SND1: variants seen among roughly 807,000 people sequenced by gnomAD.
The protein encoded by SND1 is staphylococcal nuclease domain-containing protein 1.
A neutral mutation model predicts 121.7 loss-of-function variants in SND1; 38 were observed. The observed-to-expected ratio is 0.31, with a 90% CI of 0.24 to 0.41. The LOEUF is 0.41. Among genes scored for constraint, SND1 ranks in the 10% least tolerant of loss-of-function variants. The probability of loss-of-function intolerance (pLI) is 1.00; values close to 1 mark genes in which losing one functional copy is unlikely to be tolerated. For missense variants in SND1, 868 were observed against 1,184.6 expected, an observed-to-expected ratio of 0.73 and a Z score of 3.92; for synonymous variants, 401 against 447.4, an observed-to-expected ratio of 0.90 and a Z score of 1.31.
chr7:127,967,348 G>A (rs1303521096), intron 15 of SND1, among the ~76,000 whole-genome samples: 1 of 152,194 alleles, frequency 6.6e-6, no homozygotes, highest in African/African-American at 2.4e-5. Flanking sequence ...GGCAGGGATG[G>A]GGGTGGTGGG....
At chr7:128,068,399 A>G (rs1793353932) in intron 16 of SND1, among the ~76,000 whole-genome samples, 1 of 151,790 alleles carries the variant, frequency 6.6e-6, no homozygotes, top group Non-Finnish European at 1.5e-5. Flanking sequence ...CTTTCTCCAG[A>G]CCCCTCAGCC....
At chr7:127,908,021 G>A (rs182147633) in intron 14 of SND1, among the ~76,000 whole-genome samples, 27 of 152,174 alleles carry the variant, frequency 1.8e-4, no homozygotes, top group African/African-American at 6.0e-4. Context: ...CAAATAAGCC[G>A]GCCTTTTTGT....
intron 10 of SND1, among the ~76,000 whole-genome samples, chr7:127,736,803 G>A (rs1483325551): frequency 6.6e-6 from 1 of 152,194 alleles, no homozygotes; most frequent in African/African-American, 2.4e-5. Context: ...AAAGGGTAGA[G>A]TGGATAGGTA....
At chr7:127,790,827 CT>C (rs1391664518) in intron 10 of SND1, among the ~76,000 whole-genome samples, 1 of 152,146 alleles carries the variant, frequency 6.6e-6, no homozygotes, top group Non-Finnish European at 1.5e-5. Context: ...TATTTGGCAT[CT>C]GAGTCAACAA....
At position 127,652,387 on chromosome 7, in the gene SND1, C is replaced by T; in HGVS notation, c.14C>T (p.Ala5Val). 6.3e-7 allele frequency: 1 copy of T among 1,598,774 alleles called. No individual in the cohort carries two copies. Among genetic ancestry groups the T allele is most frequent in the East Asian group, 2.3e-5 (1 of 44,230 alleles). ...GCATCTCCACACATGGCGTCCTCCG[C>T]GCAGAGCGGCGGCTCCTCCGGGGGA... MASSAQSGGSSGGPA... is the reference protein window; with the variant it reads MASSVQSGGSSGGPA... Residue 5 changes from alanine to valine, a missense_variant, in exon 1 of 24, where the codon GCG (alanine) becomes GTG (valine). By Grantham distance (64) the Ala-to-Val change is moderately conservative (BLOSUM62 0). Coordinates refer to ENST00000354725, the MANE Select transcript of SND1 (RefSeq NM_014390.4).
chr7:127,916,126 T>A (rs1368572558), intron 14 of SND1, among the ~76,000 whole-genome samples: 1 of 152,058 alleles, frequency 6.6e-6, no homozygotes, highest in Non-Finnish European at 1.5e-5. Context: ...ATTGTGGCTT[T>A]TATTTGGAGA....
At chr7:127,888,798 C>G (rs1320565017) in intron 13 of SND1, among the ~76,000 whole-genome samples, 2 of 152,122 alleles carry the variant, frequency 1.3e-5, no homozygotes, top group African/African-American at 4.8e-5. Context: ...AGAGGCCTGC[C>G]TCACTCAGCA....
At chr7:127,833,994 T>G (rs2116628879) in intron 11 of SND1, among the ~76,000 whole-genome samples, 1 of 152,260 alleles carries the variant, frequency 6.6e-6, no homozygotes, top group African/African-American at 2.4e-5. Flanking sequence ...ACTGACTTCC[T>G]TCACTTATAA....
chr7:127,774,146 C>G (rs747767106), intron 10 of SND1, among the ~76,000 whole-genome samples: 1 of 152,056 alleles, frequency 6.6e-6, no homozygotes, highest in Non-Finnish European at 1.5e-5. Flanking sequence ...CATTGTTATC[C>G]GAGGAGATGA....
chr7:127,704,820 C>A lies in SND1; in HGVS notation c.841-19C>A, dbSNP rs771879137. 3.5e-5 allele frequency: 56 copies of A among 1,599,406 alleles called. No homozygotes were observed. The highest frequency in any genetic ancestry group is 4.8e-5 in the Non-Finnish European group (56 of 1,166,914). The stretch of plus-strand genomic sequence containing the variant: ...CAGAGTCTAATCCGTGCCTGCCTCT[C>A]ATGTACCTTGTTTTTCAGAATGGCA... On this transcript the variant is annotated intron_variant, in intron 7 of 23. Coordinates refer to ENST00000354725, the MANE Select transcript of SND1 (RefSeq NM_014390.4).
chr7:128,058,766 G>A (rs1323202927), intron 16 of SND1, among the ~76,000 whole-genome samples: 1 of 152,100 alleles, frequency 6.6e-6, no homozygotes, highest in Non-Finnish European at 1.5e-5. Flanking sequence ...TTCTTCCCAT[G>A]TCATTCTCCC....
chr7:128,007,225 G>A (rs1301413593), intron 16 of SND1, among the ~76,000 whole-genome samples: 2 of 152,182 alleles, frequency 1.3e-5, no homozygotes, highest in African/African-American at 4.8e-5. Flanking sequence ...TTTGTCAGAC[G>A]GATCTTCCTC....
At chr7:128,025,099 T>C (rs1016656104) in intron 16 of SND1, among the ~76,000 whole-genome samples, 1 of 152,216 alleles carries the variant, frequency 6.6e-6, no homozygotes, top group African/African-American at 2.4e-5. Flanking sequence ...AATGGTTATG[T>C]AGAGTCCTGA....
Position 127,707,606 on chromosome 7 carries a change from A to C in SND1, c.997A>C (p.Thr333Pro). The part of the protein sequence containing the change: ...LRIWRDYVAP[T>P]ANLDQKDKQF... ...AATATGGAGAGACTATGTGGCTCCC[A>C]CAGCTAATTTGGACCAAAAGGACAA... The change falls in exon 9 of 24, where the codon ACA becomes CCA. Residue 333 changes from threonine to proline, a missense_variant. This residue lies in a region of SND1 where 743 missense variants were observed against 1,071.3 expected (regional missense o/e 0.69). Coordinates refer to ENST00000354725, the MANE Select transcript of SND1 (RefSeq NM_014390.4). 1 of 1,614,150 alleles carries C rather than the reference A, an allele frequency of 6.2e-7. No homozygotes were observed. Among genetic ancestry groups the C allele is most frequent in the South Asian group, 1.1e-5 (1 of 91,084 alleles).
intron 15 of SND1, among the ~76,000 whole-genome samples, chr7:127,986,758 G>C (rs1269950750): frequency 2.0e-5 from 3 of 152,216 alleles, no homozygotes; most frequent in African/African-American, 7.2e-5. Context: ...GCAGGAGGTG[G>C]GGCAGGCATT....
At chr7:127,990,284 T>C (rs1393276726) in intron 15 of SND1, among the ~76,000 whole-genome samples, 1 of 152,128 alleles carries the variant, frequency 6.6e-6, no homozygotes, top group Non-Finnish European at 1.5e-5. Context: ...AGCTAATAAG[T>C]GATAGAGCTG....
intron 13 of SND1, among the ~76,000 whole-genome samples, chr7:127,894,069 T>C (rs1171185833): frequency 1.3e-5 from 2 of 152,102 alleles, no homozygotes; most frequent in South Asian, 2.1e-4. Flanking sequence ...GTCAAAAAGC[T>C]ATAAACATAT....
intron 5 of SND1, among the ~76,000 whole-genome samples, chr7:127,701,690 T>TG (rs1796106763): frequency 6.6e-6 from 1 of 152,080 alleles, no homozygotes; most frequent in African/African-American, 2.4e-5. Flanking sequence ...CATGCTTCAT[T>TG]GGAGATTGGT....
chr7:127,768,183 G>A (rs142649114), intron 10 of SND1, among the ~76,000 whole-genome samples: 28 of 152,206 alleles, frequency 1.8e-4, no homozygotes, highest in Admixed American at 5.2e-4. Flanking sequence ...TCCATCTTTC[G>A]TTATTAGAGG....
Sources: gnomAD v4.1 joint callset for allele counts (sites outside exome capture counted in the v4.1 genomes callset) on GRCh38, gnomAD v4.1.1 for gene constraint, gnomAD v4.1.1 regional missense constraint, MANE v1.5 for transcripts, NCBI Gene and HGNC (gene_info 2026-07-23, HGNC 2026-07-21) for gene names.